CDC42: variants seen among roughly 807,000 people sequenced by gnomAD.
CDC42 encodes cell division cycle 42, also known as cell division control protein 42 homolog.
CDC42 carries 1 observed loss-of-function variant against 20.8 expected under a neutral mutation model. That is an observed-to-expected ratio of 0.05 (90% CI 0.02 to 0.23). The LOEUF is 0.23. Among genes scored for constraint, CDC42 ranks in the 10% least tolerant of loss-of-function variants. The pLI, the probability that CDC42 is intolerant of heterozygous loss-of-function variation, is 1.00. For missense variants in CDC42, 49 were observed against 227.9 expected (o/e 0.21, Z 5.05); for synonymous variants, 72 against 84.8 (o/e 0.85, Z 0.83).
At chr1:22,075,185 CAGG>C (rs1474401140) in intron 1 of CDC42, among the ~76,000 whole-genome samples, 2 of 152,170 alleles carry the variant, frequency 1.3e-5, no homozygotes, top group Non-Finnish European at 2.9e-5. Flanking sequence ...GGGCCTAGTG[CAGG>C]AGATTAGTCC....
At chr1:22,087,601 G>T (rs1218716072) in intron 5 of CDC42, among the ~76,000 whole-genome samples, 66 of 152,142 alleles carry the variant, frequency 4.3e-4, no homozygotes, top group Admixed American at 4.3e-3. Context: ...TGTTCTGGGG[G>T]CAAAGGAAAA....
Position 22,053,972 on chromosome 1 carries a change from T to C in CDC42, c.-51+1230T>C, listed in dbSNP as rs17837946. On this transcript the variant is annotated intron_variant, in intron 1 of 5. Transcript: ENST00000656825. ...GGTGGGTTTATTTGTGGGAACACTT[T>C]TCGGTCCAAAATGACTTTCCCAGAC... is the stretch of plus-strand genomic sequence containing the variant. 2.2e-3 allele frequency among the ~76,000 whole-genome samples: 333 copies of C among 152,316 alleles called. 2 individuals are homozygous for C. The highest frequency in any genetic ancestry group is 7.6e-3 in the African/African-American group (317 of 41,562).
chr1:22,068,143 C>G (rs1336722069), intron 1 of CDC42, among the ~76,000 whole-genome samples: 4 of 152,188 alleles, frequency 2.6e-5, no homozygotes, highest in Non-Finnish European at 5.9e-5. Flanking sequence ...AAAATCCACT[C>G]AGTACCATTT....
rs1294800238 is a variant in CDC42, at chr1:22,092,139, A to G, written c.*622A>G. 6.6e-6 allele frequency: 1 copy of G among 152,496 alleles called. No individual in the cohort carries two copies. Among genetic ancestry groups the G allele is most frequent in the Non-Finnish European group, 1.5e-5 (1 of 68,030 alleles). 9.4% of individuals were successfully genotyped at this position (152,496 alleles called of 1,614,324 possible). A position where few individuals can be genotyped will look rare whatever the true frequency, so the allele number is the denominator to read the frequency against. ...TATAGTAAATGCCTCATTTAATAAC[A>G]TACTCCTTTTTGAAAGTTGCCTTTT... On this transcript the variant is annotated 3_prime_UTR_variant, in exon 6 of 6. Coordinates refer to ENST00000656825, the MANE Select transcript of CDC42 (RefSeq NM_001791.4).
At chr1:22,074,014 A>G (rs934686010) in intron 1 of CDC42, 4 of 152,092 alleles carry the variant, frequency 2.6e-5, no homozygotes, top group Non-Finnish European at 4.4e-5. Context: ...GTACAAATGA[A>G]CTTCACTGTT....
rs1645741306 is a variant in CDC42, at chr1:22,094,294, A to ATTTTTTTTTTTTTTGTT, written c.*2791_*2792insGTTTTTTTTTTTTTTTT. 2.6e-5 allele frequency among the ~76,000 whole-genome samples: 1 copy of ATTTTTTTTTTTTTTGTT among 38,292 alleles called. No individual in the cohort carries two copies. The allele number at this position is 38,292 out of a possible 152,430, so 25.1% of individuals were successfully genotyped here. ...GTTTTACTGAACATCCTAGAAATAG[A>ATTTTTTTTTTTTTTGTT]TTTTTTTTTTTTTTTTTTTTTGAGA... On this transcript the variant is annotated 3_prime_UTR_variant, in exon 6 of 6. Coordinates refer to ENST00000656825, the MANE Select transcript of CDC42 (RefSeq NM_001791.4).
Position 22,096,586 on chromosome 1 carries a change from G to A in CDC42, c.*5069G>A, listed in dbSNP as rs1288564540. 1.3e-5 allele frequency among the ~76,000 whole-genome samples: 2 copies of A among 152,208 alleles called. No individual in the cohort carries two copies. The highest frequency in any genetic ancestry group is 6.5e-5 in the Admixed American group (1 of 15,282). On this transcript the variant is annotated 3_prime_UTR_variant, in exon 6 of 6. Coordinates refer to ENST00000656825, the MANE Select transcript of CDC42 (RefSeq NM_001791.4). ...TGACAGTCTCAAGCAGTGCAGAGATGTAAGCAGGCAGAGGTAAGGACTTTG... is the reference window on the plus strand; with the variant it reads ...TGACAGTCTCAAGCAGTGCAGAGATATAAGCAGGCAGAGGTAAGGACTTTG...
chr1:22,065,272 T>A (rs549472546), intron 1 of CDC42, among the ~76,000 whole-genome samples: 2 of 152,344 alleles, frequency 1.3e-5, no homozygotes, highest in African/African-American at 2.4e-5. Flanking sequence ...TTAGGTTATT[T>A]CGTCTCTTAA....
At position 22,097,436 on chromosome 1, in the gene CDC42, T is replaced by C. The variant is rs779384672; in HGVS notation, c.*5919T>C. On this transcript the variant is annotated 3_prime_UTR_variant, in exon 6 of 6. Coordinates refer to ENST00000656825, the MANE Select transcript of CDC42 (RefSeq NM_001791.4). ...TTTGTATTTTTAGTAGAGATGGGGT[T>C]TCACCATGTTGGCCAGGCTGGTCTT... Among the ~76,000 whole-genome samples, 3 of 152,180 alleles carry C rather than the reference T, an allele frequency of 2.0e-5. No homozygotes were observed. Among genetic ancestry groups the C allele is most frequent in the Admixed American group, 2.0e-4 (3 of 15,290 alleles).
At chr1:22,090,743 G>A (rs1391149564) in intron 5 of CDC42, 1 of 984,802 alleles carries the variant, frequency 1.0e-6, no homozygotes, top group Non-Finnish European at 1.2e-6. Flanking sequence ...TTTATTGTGA[G>A]GGAAATATAC....
intron 5 of CDC42, chr1:22,090,570 A>T: frequency 1.0e-6 from 1 of 986,258 alleles, no homozygotes; most frequent in Non-Finnish European, 1.2e-6. Context: ...GTAGTGGAGT[A>T]TTTGTCAGTC....
chr1:22,059,758 G>C (rs1195247599), intron 1 of CDC42: 3 of 152,006 alleles, frequency 2.0e-5, no homozygotes, highest in Non-Finnish European at 4.4e-5. Context: ...TGGACAGGAT[G>C]GTCTTGAACT....
chr1:22,063,808 C>T (rs911230813), intron 1 of CDC42, among the ~76,000 whole-genome samples: 1 of 152,078 alleles, frequency 6.6e-6, no homozygotes, highest in Non-Finnish European at 1.5e-5. Flanking sequence ...GGAACCTTCG[C>T]CTCCCGGGTT....
chr1:22,084,335 G>GTTTTTTTTTTTTTTTTT (rs61584354), intron 3 of CDC42, among the ~76,000 whole-genome samples: 4 of 80,690 alleles, frequency 5.0e-5, no homozygotes, highest in African/African-American at 1.0e-4. Flanking sequence ...CTTATTTCCT[G>GTTTTTTTTTTTTTTTTT]TTTTTTTTTT....
intron 1 of CDC42, among the ~76,000 whole-genome samples, chr1:22,065,947 A>G (rs1645418462): frequency 6.6e-6 from 1 of 152,122 alleles, no homozygotes; most frequent in South Asian, 2.1e-4. Context: ...TTTAGCAGAG[A>G]CGGGATTTCA....
chr1:22,074,333 C>T (rs1645525138), intron 1 of CDC42: 1 of 152,314 alleles, frequency 6.6e-6, no homozygotes, highest in East Asian at 1.9e-4. Flanking sequence ...GCCTCGGCCT[C>T]CCAGAGTGCT....
Position 22,090,100 on chromosome 1 carries a change from C to G in CDC42, c.487-1328C>G, listed in dbSNP as rs1362356691. ...CTACTGTAGAAAGATCGTTTAAAAA[C>G]AAAGGAATAAAACCATCCTGTTTGA... On this transcript the variant is annotated intron_variant, in intron 5 of 5. Coordinates refer to ENST00000656825, the MANE Select transcript of CDC42 (RefSeq NM_001791.4). 4 of 1,571,792 alleles carry G rather than the reference C, an allele frequency of 2.5e-6. No homozygotes were observed. In the African/African-American group the frequency reaches 4.1e-5, roughly 16 times the overall value.
At chr1:22,071,010 C>T (rs1015989388) in intron 1 of CDC42, among the ~76,000 whole-genome samples, 28 of 150,686 alleles carry the variant, frequency 1.9e-4, no homozygotes, top group African/African-American at 6.1e-4. Context: ...TATTTCTTTA[C>T]GGCACTGAGG....
chr1:22,070,870 C>T (rs1310004075), intron 1 of CDC42, among the ~76,000 whole-genome samples: 1 of 152,034 alleles, frequency 6.6e-6, no homozygotes, highest in African/African-American at 2.4e-5. Context: ...GTAGGATAGA[C>T]ACGTCAGGTT....
Sources: gnomAD v4.1 joint callset for allele counts (sites outside exome capture counted in the v4.1 genomes callset) on GRCh38, gnomAD v4.1.1 for gene constraint, MANE v1.5 for transcripts, NCBI Gene and HGNC (gene_info 2026-07-23, HGNC 2026-07-21) for gene names.